Variants in SAMD3 observed in about 807,000 individuals in gnomAD.
The protein encoded by SAMD3 is sterile alpha motif domain containing 3.
In SAMD3, 63 loss-of-function variants were observed where a neutral mutation model predicts 58.5. That is an observed-to-expected ratio of 1.08 (90% confidence interval 0.88 to 1.33). SAMD3 has a LOEUF of 1.33. Among genes scored for constraint, SAMD3 ranks in the 40% most tolerant of loss-of-function variants. SAMD3 has a pLI of 0.00. For synonymous variants in SAMD3, 220 were observed against 210.3 expected (o/e 1.05, Z -0.40); for missense variants, 604 against 608.4 (o/e 0.99, Z 0.08).
intron 2 of SAMD3, among the ~76,000 whole-genome samples, chr6:130,230,387 C>T (rs73614576): frequency 0.013 from 1,931 of 152,066 alleles, 38 homozygotes; most frequent in African/African-American, 0.044. Context: ...TCTCCTTCTT[C>T]TTCTTTTTTT....
intron 5 of SAMD3, among the ~76,000 whole-genome samples, chr6:130,202,252 A>C (rs1285450533): frequency 6.6e-6 from 1 of 152,108 alleles, no homozygotes; most frequent in Non-Finnish European, 1.5e-5. Flanking sequence ...TTCCCTGAGA[A>C]CCCCATCTGA....
chr6:130,360,551 T>C (rs969368165), intron 1 of SAMD3, among the ~76,000 whole-genome samples: 2 of 152,048 alleles, frequency 1.3e-5, no homozygotes, highest in Non-Finnish European at 2.9e-5. Flanking sequence ...CACAAGGTAA[T>C]AGAATATCAC....
intron 1 of SAMD3, among the ~76,000 whole-genome samples, chr6:130,341,272 T>C (rs575917251): frequency 1.3e-5 from 2 of 152,358 alleles, no homozygotes; most frequent in African/African-American, 4.8e-5. Flanking sequence ...TTCAGCTGAC[T>C]GATGACTACC....
rs376077211 is a variant in SAMD3, at chr6:130,184,213, G to T, written c.570-26C>A. 21 of 1,572,250 alleles carry T rather than the reference G, an allele frequency of 1.3e-5. No individual in the cohort carries two copies. In the African/African-American group the frequency reaches 1.9e-4, roughly 14 times the overall value. Reference sequence around the variant, plus strand: ...CTGTTCACCAAAACAAGGAGGATATGTTTCACTTCAAGCAAACCACATTCC... The same window carrying T: ...CTGTTCACCAAAACAAGGAGGATATTTTTCACTTCAAGCAAACCACATTCC... On this transcript the variant is annotated intron_variant, in intron 6 of 11. Transcript: ENST00000439090.
intron 5 of SAMD3, 74 bp from the exon 6 acceptor site, chr6:130,184,697 A>G: frequency 7.8e-7 from 1 of 1,275,458 alleles, no homozygotes; most frequent in African/African-American, 1.5e-5. Context: ...CTACATCCTG[A>G]GAACTTATGA....
Position 130,145,374 on chromosome 6 carries a change from TC to T in SAMD3, c.1243del (p.Asp415MetfsTer9), listed in dbSNP as rs1788527152. 1 of 1,611,610 alleles carries T rather than the reference TC, an allele frequency of 6.2e-7. No individual in the cohort carries two copies. The highest frequency in any genetic ancestry group is 8.5e-7 in the Non-Finnish European group (1 of 1,178,322). On this transcript the variant is annotated frameshift_variant, in exon 11 of 12. Coordinates refer to ENST00000439090, the MANE Select transcript of SAMD3 (RefSeq NM_001017373.4). LOFTEE classifies it high-confidence loss of function. ...CATGATGACAAAAAGGCTGGGATCA[TC>T]CCCAAAAACATCTGGGAGGAGTAAA... ...TCLLLPDVFG[D>X]DPSLFVIMNE...
chr6:130,285,447 G>A (rs1042010722), intron 2 of SAMD3, among the ~76,000 whole-genome samples: 7 of 152,158 alleles, frequency 4.6e-5, no homozygotes, highest in African/African-American at 1.7e-4. Context: ...GAGCTCTCAT[G>A]TTGCTTGTCT....
intron 1 of SAMD3, among the ~76,000 whole-genome samples, chr6:130,339,125 C>A (rs6905710): frequency 0.46 from 69,404 of 151,592 alleles, 18,709 homozygotes; most frequent in African/African-American, 0.76. Context: ...CAGCTCACTG[C>A]AAGCTCCACC....
In SAMD3 at chr6:130,144,434, CTCT is replaced by C; in HGVS notation, c.*83_*85del. 1 of 1,315,872 alleles carries C rather than the reference CTCT, an allele frequency of 7.6e-7. No individual in the cohort carries two copies. The allele number at this position is 1,315,872 out of a possible 1,614,324, so 81.5% of individuals were successfully genotyped here. ...TACAAGATGATTTTCTCATACCTAC[CTCT>C]ACCACAACCCTAAATCAAAACAATT... On this transcript the variant is annotated 3_prime_UTR_variant, in exon 12 of 12. Transcript: ENST00000439090.
At chr6:130,302,227 T>TA (rs2114976353) in intron 2 of SAMD3, among the ~76,000 whole-genome samples, 1 of 152,040 alleles carries the variant, frequency 6.6e-6, no homozygotes, top group South Asian at 2.1e-4. Flanking sequence ...CCAGAATCTA[T>TA]ATGGAACTTA....
At position 130,145,372 on chromosome 6, in the gene SAMD3, C is replaced by T. The variant is rs1788526977; in HGVS notation, c.1246G>A (p.Asp416Asn). Reference sequence around the variant, plus strand: ...TTCATGATGACAAAAAGGCTGGGATCATCCCCAAAAACATCTGGGAGGAGT... The same window carrying T: ...TTCATGATGACAAAAAGGCTGGGATTATCCCCAAAAACATCTGGGAGGAGT... Reference protein sequence around the residue: ...CLLLPDVFGDDPSLFVIMNEQ... With the variant: ...CLLLPDVFGDNPSLFVIMNEQ... The change falls in exon 11 of 12, where the codon GAT (aspartate) becomes AAT (asparagine). Residue 416 changes from aspartate (D) to asparagine (N), a missense_variant. By Grantham distance (23) the Asp-to-Asn change is conservative (BLOSUM62 1). Transcript: ENST00000439090. The T allele has an allele frequency of 1.2e-6, 2 of 1,611,626 alleles. No individual in the cohort carries two copies. Among genetic ancestry groups the T allele is most frequent in the Non-Finnish European group, 1.7e-6 (2 of 1,178,360 alleles).
At chr6:130,261,582 T>G (rs1469981811) in intron 2 of SAMD3, among the ~76,000 whole-genome samples, 2 of 152,174 alleles carry the variant, frequency 1.3e-5, no homozygotes, top group Non-Finnish European at 2.9e-5. Flanking sequence ...TTCTTTGTTT[T>G]GTGGTGTGTG....
At chr6:130,259,694 A>AT (rs148896570) in intron 2 of SAMD3, among the ~76,000 whole-genome samples, 2,316 of 152,078 alleles carry the variant, frequency 0.015, 55 homozygotes, top group African/African-American at 0.053. Flanking sequence ...GACTCAATGT[A>AT]TTTTTTTTAA....
chr6:130,182,407 TACA>T (rs1792442876), intron 7 of SAMD3, among the ~76,000 whole-genome samples: 1 of 152,174 alleles, frequency 6.6e-6, no homozygotes, highest in Non-Finnish European at 1.5e-5. Flanking sequence ...AGACATGGTA[TACA>T]ACATCTTTCC....
chr6:130,145,539 T>G, intron 10 of SAMD3, 117 bp from the exon 11 acceptor site: 1 of 602,444 alleles, frequency 1.7e-6, no homozygotes, highest in South Asian at 2.2e-5. Context: ...CAAACTAGCC[T>G]TCTTAGATCA....
chr6:130,199,590 G>A (rs546419124), intron 5 of SAMD3, among the ~76,000 whole-genome samples: 13 of 152,314 alleles, frequency 8.5e-5, no homozygotes, highest in Admixed American at 5.9e-4. Context: ...AGTTAATTAT[G>A]CCAGTAACCT....
intron 1 of SAMD3, among the ~76,000 whole-genome samples, chr6:130,220,611 T>A (rs1013331637): frequency 5.5e-4 from 84 of 152,358 alleles, no homozygotes; most frequent in African/African-American, 2.0e-3. Flanking sequence ...GTCATTTCCC[T>A]CAGAATTAAT....
chr6:130,279,487 C>CTTTT (rs397886882), intron 2 of SAMD3, among the ~76,000 whole-genome samples: 2 of 123,378 alleles, frequency 1.6e-5, no homozygotes, highest in African/African-American at 3.4e-5. Context: ...TCAATTAAAC[C>CTTTT]TTTTTTTTTT....
chr6:130,153,647 C>CATTCATATATATATATATATATAT (rs1789421468), intron 9 of SAMD3, among the ~76,000 whole-genome samples: 1 of 96,702 alleles, frequency 1.0e-5, no homozygotes, highest in African/African-American at 3.2e-5. Context: ...CATTAAATTT[C>CATTCATATATATATATATATATAT]ATATATATAT....
Sources: gnomAD v4.1 joint callset for allele counts (sites outside exome capture counted in the v4.1 genomes callset) on GRCh38, gnomAD v4.1.1 for gene constraint, MANE v1.5 for transcripts, NCBI Gene and HGNC (gene_info 2026-07-23, HGNC 2026-07-21) for gene names.